CDCP1: variants seen among roughly 807,000 people sequenced by gnomAD.
CDCP1 encodes the protein CUB domain containing protein 1.
In CDCP1, 29 loss-of-function variants were observed where a neutral mutation model predicts 60.2. The observed-to-expected ratio is 0.48, with a 90% CI of 0.36 to 0.66. The LOEUF is 0.66. Among genes scored for constraint, CDCP1 ranks in the 30% least tolerant of loss-of-function variants. The pLI, the probability that CDCP1 is intolerant of heterozygous loss-of-function variation, is 0.00. For missense variants in CDCP1, 876 were observed against 1,074.3 expected, an observed-to-expected ratio of 0.82 and a Z score of 2.58; for synonymous variants, 387 against 431.1, an observed-to-expected ratio of 0.90 and a Z score of 1.27.
At chr3:45,124,858 A>G (rs1229430835) in intron 1 of CDCP1, among the ~76,000 whole-genome samples, 2 of 152,300 alleles carry the variant, frequency 1.3e-5, no homozygotes, top group East Asian at 3.9e-4. Context: ...CCAAGGGGAC[A>G]CACACACCAT....
intron 4 of CDCP1, 79 bp from the exon 5 acceptor site, chr3:45,095,647 T>A: frequency 8.4e-7 from 1 of 1,189,644 alleles, no homozygotes; most frequent in East Asian, 2.4e-5. Context: ...GTAGAAAACC[T>A]CTCCTGAGGA....
chr3:45,099,208 AT>A (rs1402379698), intron 4 of CDCP1, among the ~76,000 whole-genome samples: 1 of 151,120 alleles, frequency 6.6e-6, no homozygotes, highest in Non-Finnish European at 1.5e-5. Context: ...ATGGGGGTAA[AT>A]TTTTTTAGAT....
At chr3:45,107,289 C>A (rs911639770) in intron 4 of CDCP1, among the ~76,000 whole-genome samples, 1 of 152,042 alleles carries the variant, frequency 6.6e-6, no homozygotes, top group Non-Finnish European at 1.5e-5. Flanking sequence ...TCACCACAAC[C>A]TCCACCTCCC....
intron 4 of CDCP1, among the ~76,000 whole-genome samples, chr3:45,103,926 T>C (rs574005869): frequency 6.6e-6 from 1 of 152,212 alleles, no homozygotes; most frequent in East Asian, 1.9e-4. Context: ...CAACACTAAA[T>C]GGACTATGAG....
At chr3:45,112,876 C>T (rs1698724212) in intron 2 of CDCP1, among the ~76,000 whole-genome samples, 1 of 152,244 alleles carries the variant, frequency 6.6e-6, no homozygotes, top group African/African-American at 2.4e-5. Flanking sequence ...CATCTGCATT[C>T]AGCTACGTGC....
In CDCP1 at chr3:45,085,646, C is replaced by G; in HGVS notation, c.2503G>C (p.Ala835Pro). ...LLNTQEPMEP[A>P]E ...GTCTGGAATGGATCAAGTTATTCTG[C>G]TGGCTCCATGGGCTCCTGAGTGTTC... Residue 835 changes from alanine (A) to proline (P), a missense_variant, in exon 9 of 9, where the codon GCA (alanine) becomes CCA (proline). Physicochemically the swap from Ala to Pro is conservative, Grantham distance 27. Transcript: ENST00000296129. This position sits in a 1 kb window ranked among gnomAD's most constrained non-coding sequence, Gnocchi z 4.2. 1 of 1,610,552 alleles carries G rather than the reference C, an allele frequency of 6.2e-7. No individual in the cohort carries two copies. The highest frequency in any genetic ancestry group is 1.3e-5 in the African/African-American group (1 of 74,996).
rs369387192 is a variant in CDCP1, at chr3:45,099,807, C to T, written c.1025-4239G>A. On this transcript the variant is annotated intron_variant, in intron 4 of 8. Coordinates refer to ENST00000296129, the MANE Select transcript of CDCP1 (RefSeq NM_022842.5). Reference sequence around the variant, plus strand: ...CCTTTGAACTCTTGGAGATTAAAAACGAGCTTTCTCCTGAAAGCCCTTTTT... The same window carrying T: ...CCTTTGAACTCTTGGAGATTAAAAATGAGCTTTCTCCTGAAAGCCCTTTTT... Among the ~76,000 whole-genome samples the T allele has an allele frequency of 4.6e-4, 70 of 151,990 alleles. 1 individual carries two copies. The South Asian group carries it at 0.013, about 29-fold the overall frequency.
chr3:45,146,436 C>G (rs1302067817), upstream of CDCP1: 5 of 574,762 alleles, frequency 8.7e-6, no homozygotes, highest in Non-Finnish European at 2.9e-6. Flanking sequence ...GCAGCAGGAT[C>G]GCGAGCTGAC....
Position 45,093,399 on chromosome 3 carries a change from C to A in CDCP1, c.1505G>T (p.Gly502Val), listed in dbSNP as rs757793970. ...CTTCACCTGGATCTGCTTGATAGAG[C>A]CTCCCGGGCAGAAGGAGCCGAAGTA... ...DLYFGSFCPG[G>V]SIKQIQVKQN... Residue 502 changes from glycine (G) to valine (V), a missense_variant, in exon 6 of 9, where the codon GGC (glycine) becomes GTC (valine). Coordinates refer to ENST00000296129, the MANE Select transcript of CDCP1 (RefSeq NM_022842.5). The A allele has an allele frequency of 1.2e-6, 2 of 1,614,132 alleles. No individual in the cohort carries two copies. Among genetic ancestry groups the A allele is most frequent in the South Asian group, 1.1e-5 (1 of 91,072 alleles).
chr3:45,146,127 C>G (rs977907654), intron 1 of CDCP1, 79 bp downstream of exon 1: 1 of 1,251,798 alleles, frequency 8.0e-7, no homozygotes, highest in Non-Finnish European at 1.1e-6. Flanking sequence ...CTGCGTCCCT[C>G]GGCCGCATCT....
chr3:45,097,365 C>CAA (rs1445341693), intron 4 of CDCP1, among the ~76,000 whole-genome samples: 1 of 151,886 alleles, frequency 6.6e-6, no homozygotes, highest in East Asian at 1.9e-4. Context: ...GATACCTTTT[C>CAA]AACTCTTTAG....
intron 4 of CDCP1, among the ~76,000 whole-genome samples, chr3:45,107,495 C>A (rs147892749): frequency 6.6e-6 from 1 of 152,104 alleles, no homozygotes; most frequent in African/African-American, 2.4e-5. Flanking sequence ...CATGAGCCAC[C>A]GCGCCCGGCC....
intron 1 of CDCP1, among the ~76,000 whole-genome samples, chr3:45,122,536 C>G (rs1254251677): frequency 6.6e-6 from 1 of 152,056 alleles, no homozygotes; most frequent in African/African-American, 2.4e-5. Flanking sequence ...ATCTTGGCAA[C>G]CTCTGCCTTT....
chr3:45,136,215 T>C (rs1699187659), intron 1 of CDCP1, among the ~76,000 whole-genome samples: 1 of 152,182 alleles, frequency 6.6e-6, no homozygotes. Flanking sequence ...GTTGGGGGTT[T>C]TAAGAAGCCT....
chr3:45,116,153 T>C (rs982499760), intron 2 of CDCP1, among the ~76,000 whole-genome samples: 1 of 151,284 alleles, frequency 6.6e-6, no homozygotes, highest in African/African-American at 2.4e-5. Context: ...ATGCTCTTTA[T>C]TGAATTAAGA....
chr3:45,108,627 C>A (rs1698612346), intron 4 of CDCP1, among the ~76,000 whole-genome samples: 1 of 150,832 alleles, frequency 6.6e-6, no homozygotes, highest in Admixed American at 6.6e-5. Context: ...TCTGATTGTA[C>A]AGTTGTGACA....
chr3:45,146,166 C>G, intron 1 of CDCP1, 40 bp downstream of exon 1: 1 of 1,541,136 alleles, frequency 6.5e-7, no homozygotes, highest in Non-Finnish European at 8.8e-7. Context: ...CTGGCTAGCT[C>G]ACCACTCCAC....
At position 45,095,343 on chromosome 3, in the gene CDCP1, G is replaced by T; in HGVS notation, c.1246+4C>A. 6.2e-7 allele frequency: 1 copy of T among 1,612,818 alleles called. No homozygotes were observed. The highest frequency in any genetic ancestry group is 2.2e-5 in the East Asian group (1 of 44,888). ...GGGACAAATGCACTGATTCAGGGGC[G>T]TACTTATGGTTTTTTCCACATTCAT... On this transcript the variant is annotated splice_donor_region_variant and intron_variant, in intron 5 of 8. Transcript: ENST00000296129.
At chr3:45,126,152 T>TTCTCTCTCTCTC (rs1351217031) in intron 1 of CDCP1, among the ~76,000 whole-genome samples, 1 of 143,852 alleles carries the variant, frequency 7.0e-6, no homozygotes, top group African/African-American at 2.7e-5. Flanking sequence ...CTTTCTTTCT[T>TTCTCTCTCTCTC]TCTTTCTTTC....
Sources: gnomAD v4.1 joint callset for allele counts (sites outside exome capture counted in the v4.1 genomes callset) on GRCh38, gnomAD v4.1.1 for gene constraint, Gnocchi (gnomAD v3.1) non-coding constraint, MANE v1.5 for transcripts, NCBI Gene and HGNC (gene_info 2026-07-23, HGNC 2026-07-21) for gene names.